The following ZNF280D variants were observed in gnomAD, a reference collection of about 807,000 sequenced individuals.
The protein encoded by ZNF280D is suppressor of hairy wing homolog 4.
ZNF280D carries 39 observed loss-of-function variants against 94.7 expected under a neutral mutation model. The ratio of observed to expected loss-of-function variants is 0.41; its 90% CI spans 0.32 to 0.54. The LOEUF (loss-of-function observed/expected upper bound fraction) is 0.54. Among genes scored for constraint, ZNF280D ranks in the 20% least tolerant of loss-of-function variants. The pLI, the probability that ZNF280D is intolerant of heterozygous loss-of-function variation, is 0.22. For missense variants in ZNF280D, 1,090 were observed against 1,149.3 expected, an observed-to-expected ratio of 0.95 and a Z score of 0.75; for synonymous variants, 398 against 377.6, an observed-to-expected ratio of 1.05 and a Z score of -0.63.
At chr15:56,639,053 GTATA>G (rs2052492378) in intron 20 of ZNF280D, among the ~76,000 whole-genome samples, 1 of 151,690 alleles carries the variant, frequency 6.6e-6, no homozygotes, top group South Asian at 2.1e-4. Context: ...AAAGAAAAAA[GTATA>G]TATACAATAT....
At chr15:56,652,898 A>T in intron 19 of ZNF280D, 2 of 982,992 alleles carry the variant, frequency 2.0e-6, no homozygotes, top group Non-Finnish European at 2.4e-6. Flanking sequence ...AATTCTAAGA[A>T]ATCTCTTGGA....
chr15:56,663,093 G>T (rs2054058241), intron 16 of ZNF280D, among the ~76,000 whole-genome samples: 1 of 150,852 alleles, frequency 6.6e-6, no homozygotes, highest in Non-Finnish European at 1.5e-5. Context: ...TGACCAGCCT[G>T]GGCAAAATGG....
At chr15:56,667,669 G>C (rs1383723997) in intron 14 of ZNF280D, among the ~76,000 whole-genome samples, 1 of 152,110 alleles carries the variant, frequency 6.6e-6, no homozygotes, top group Non-Finnish European at 1.5e-5. Context: ...CCCTCCTCCG[G>C]TATTTGAGGA....
chr15:56,645,065 C>T (rs967405346), intron 19 of ZNF280D: 9 of 152,206 alleles, frequency 5.9e-5, no homozygotes, highest in African/African-American at 1.9e-4. Context: ...CTTTGAACTA[C>T]AAAAGTATAC....
At position 56,654,119 on chromosome 15, in the gene ZNF280D, C is replaced by T. The variant is rs188037521; in HGVS notation, c.2213+79G>A. The stretch of plus-strand genomic sequence containing the variant: ...ACAACATACTTTAATACTTTTCATT[C>T]GTATTAATGATACATTTAAAAATGC... On this transcript the variant is annotated intron_variant, in intron 19 of 21. Coordinates refer to ENST00000267807, the MANE Select transcript of ZNF280D (RefSeq NM_017661.4). The T allele has an allele frequency of 5.2e-3, 8,036 of 1,540,226 alleles. 34 individuals carry two copies. The highest frequency in any genetic ancestry group is 6.3e-3 in the Non-Finnish European group (7,259 of 1,149,130).
Position 56,705,147 on chromosome 15 carries a change from C to CA in ZNF280D, c.29-881dup, listed in dbSNP as rs200507695. ...TAATGTTATAGTATAGTCCATCTAC[C>CA]AAAAAAAAGGCCTTCCCATTTTCCT... On this transcript the variant is annotated intron_variant, in intron 3 of 21. Transcript: ENST00000267807. Among the ~76,000 whole-genome samples, 777 of 151,694 alleles carry CA rather than the reference C, an allele frequency of 5.1e-3. 4 individuals carry two copies. The highest frequency in any genetic ancestry group is 0.017 in the Middle Eastern group (5 of 294).
chr15:56,706,266 G>C (rs1315391244), intron 3 of ZNF280D, among the ~76,000 whole-genome samples: 1 of 149,784 alleles, frequency 6.7e-6, no homozygotes, highest in Non-Finnish European at 1.5e-5. Flanking sequence ...CCTGAGGTCA[G>C]TAGTTCGATA....
chr15:56,694,921 T>A (rs1388813926), intron 6 of ZNF280D, among the ~76,000 whole-genome samples: 1 of 152,214 alleles, frequency 6.6e-6, no homozygotes, highest in Non-Finnish European at 1.5e-5. Flanking sequence ...CTGTTTGTAC[T>A]ATTTTTTCTG....
rs1236914941 is a variant in ZNF280D at position 56,631,301 on chromosome 15, G to A, written c.*197C>T. On this transcript the variant is annotated 3_prime_UTR_variant, in exon 22 of 22. Transcript: ENST00000267807. ...CTGTTCGTGTTTTTAAAAACTTTTTGGGAATCCCTACTAATCATGCTATTA... is the reference window on the plus strand; with the variant it reads ...CTGTTCGTGTTTTTAAAAACTTTTTAGGAATCCCTACTAATCATGCTATTA... 1 of 517,708 alleles carries A rather than the reference G, an allele frequency of 1.9e-6. No individual in the cohort carries two copies. Among genetic ancestry groups the A allele is most frequent in the African/African-American group, 1.9e-5 (1 of 52,816 alleles). 32.1% of individuals were successfully genotyped at this position (517,708 alleles called of 1,614,324 possible). A position where few individuals can be genotyped will look rare whatever the true frequency, so the allele number is the denominator to read the frequency against.
chr15:56,666,168 C>G (rs2054273869), intron 16 of ZNF280D, among the ~76,000 whole-genome samples: 1 of 152,094 alleles, frequency 6.6e-6, no homozygotes, highest in Non-Finnish European at 1.5e-5. Context: ...CCTAACAAAC[C>G]TATTCTAATT....
At chr15:56,700,299 A>G (rs779421389) in intron 6 of ZNF280D, 9 of 533,922 alleles carry the variant, frequency 1.7e-5, no homozygotes, top group Non-Finnish European at 2.2e-5. Context: ...AAATCTTTCA[A>G]CCTCTATGAG....
chr15:56,663,358 T>C (rs1367816170), intron 16 of ZNF280D, among the ~76,000 whole-genome samples: 1 of 150,582 alleles, frequency 6.6e-6, no homozygotes, highest in Non-Finnish European at 1.5e-5. Context: ...ATTAACCAAC[T>C]TACAGGGATG....
chr15:56,732,307 G>A (rs2058930706), intron 1 of ZNF280D, among the ~76,000 whole-genome samples: 1 of 152,164 alleles, frequency 6.6e-6, no homozygotes, highest in South Asian at 2.1e-4. Flanking sequence ...GGTTATCAAT[G>A]AAAGGCACAA....
intron 13 of ZNF280D, among the ~76,000 whole-genome samples, chr15:56,673,825 A>C (rs2055031420): frequency 6.6e-6 from 1 of 152,026 alleles, no homozygotes. Context: ...GAGGTAATTC[A>C]CATGGCTTAC....
intron 20 of ZNF280D, among the ~76,000 whole-genome samples, chr15:56,637,561 C>T (rs1196874939): frequency 3.3e-5 from 5 of 152,164 alleles, no homozygotes; most frequent in African/African-American, 4.8e-5. Flanking sequence ...CTGAAGTCTA[C>T]GCAATTTTCA....
chr15:56,719,790 TAA>T (rs1436492850), intron 1 of ZNF280D, among the ~76,000 whole-genome samples: 6 of 147,414 alleles, frequency 4.1e-5, no homozygotes, highest in African/African-American at 1.5e-4. Context: ...TCAGTGAATA[TAA>T]AAGTTAGGTT....
Position 56,641,508 on chromosome 15 carries a change from T to A in ZNF280D, c.2259+1444A>T, listed in dbSNP as rs529543801. Among the ~76,000 whole-genome samples the A allele has an allele frequency of 1.1e-4, 17 of 152,108 alleles. No homozygotes were observed. The East Asian group carries it at 3.3e-3, about 29-fold the overall frequency. ...TGCATTTATCTTGATGCCCATAATGTAACTATATGTGATTTTAATGTCGTT... is the reference window on the plus strand; with the variant it reads ...TGCATTTATCTTGATGCCCATAATGAAACTATATGTGATTTTAATGTCGTT... On this transcript the variant is annotated intron_variant, in intron 20 of 21. Coordinates refer to ENST00000267807, the MANE Select transcript of ZNF280D (RefSeq NM_017661.4).
intron 20 of ZNF280D, among the ~76,000 whole-genome samples, chr15:56,642,458 C>A (rs1463509966): frequency 6.6e-6 from 1 of 151,800 alleles, no homozygotes; most frequent in Non-Finnish European, 1.5e-5. Context: ...CTACAGTCAT[C>A]TATTAGACTG....
chr15:56,693,150 G>C lies in ZNF280D; in HGVS notation c.447C>G (p.Thr149=). ...GGTAATGTGATAATCCTGTATCCTG[G>C]GTCAAGTCAAACAGTAACTCTGATG... ...NKSSELLFDL[T]QDTGLSHYQG... The change falls in exon 7 of 22, where the codon ACC becomes ACG. Residue 149 remains threonine (T), a synonymous_variant. Coordinates refer to ENST00000267807, the MANE Select transcript of ZNF280D (RefSeq NM_017661.4). The C allele has an allele frequency of 1.2e-6, 2 of 1,605,296 alleles. No homozygotes were observed. The highest frequency in any genetic ancestry group is 1.7e-6 in the Non-Finnish European group (2 of 1,176,166).
Sources: gnomAD v4.1 joint callset for allele counts (sites outside exome capture counted in the v4.1 genomes callset) on GRCh38, gnomAD v4.1.1 for gene constraint, MANE v1.5 for transcripts, NCBI Gene and HGNC (gene_info 2026-07-23, HGNC 2026-07-21) for gene names.